Variants in SPACA7 observed in about 807,000 individuals in gnomAD.
SPACA7 encodes sperm acrosome-associated protein 7.
In SPACA7, 19 loss-of-function variants were observed where a neutral mutation model predicts 26.3. That is an observed-to-expected ratio of 0.72 (90% CI 0.50 to 1.06). The LOEUF (loss-of-function observed/expected upper bound fraction) is 1.06. SPACA7 is among the 50% of genes least tolerant of loss of function. The pLI, the probability that SPACA7 is intolerant of heterozygous loss-of-function variation, is 0.00. For missense variants in SPACA7, 211 were observed against 229.9 expected, an observed-to-expected ratio of 0.92 and a Z score of 0.53; for synonymous variants, 84 against 84.5, an observed-to-expected ratio of 0.99 and a Z score of 0.04.
intron 1 of SPACA7, among the ~76,000 whole-genome samples, chr13:112,377,151 A>G (rs2138841352): frequency 6.6e-6 from 1 of 152,318 alleles, no homozygotes; most frequent in Non-Finnish European, 1.5e-5. Flanking sequence ...AAAAGGTAGG[A>G]GAATTCTTTG....
chr13:112,387,507 G>A (rs1447739450), intron 1 of SPACA7, among the ~76,000 whole-genome samples: 2 of 152,178 alleles, frequency 1.3e-5, no homozygotes, highest in Non-Finnish European at 2.9e-5. Context: ...CCTAAGACTA[G>A]TTTCACAAAT....
At chr13:112,430,757 A>G (rs1037932971) in intron 5 of SPACA7, among the ~76,000 whole-genome samples, 6 of 152,224 alleles carry the variant, frequency 3.9e-5, no homozygotes, top group Non-Finnish European at 8.8e-5. Flanking sequence ...GAAACCACAC[A>G]TACATAGGGA....
intron 5 of SPACA7, among the ~76,000 whole-genome samples, chr13:112,415,243 C>T: frequency 6.6e-6 from 1 of 152,148 alleles, no homozygotes; most frequent in Non-Finnish European, 1.5e-5. Context: ...TCATGGCCGC[C>T]ACAGCTGGCA....
At chr13:112,434,130 C>T (rs1877486623) in intron 6 of SPACA7, among the ~76,000 whole-genome samples, 1 of 152,114 alleles carries the variant, frequency 6.6e-6, no homozygotes, top group Non-Finnish European at 1.5e-5. Context: ...CAGGAGTCCC[C>T]AACCTCCTGG....
intron 5 of SPACA7, among the ~76,000 whole-genome samples, chr13:112,430,761 A>C (rs1382410168): frequency 6.6e-6 from 1 of 152,232 alleles, no homozygotes; most frequent in Non-Finnish European, 1.5e-5. Context: ...CCACACATAC[A>C]TAGGGAACGG....
chr13:112,410,144 C>T (rs541530063), intron 5 of SPACA7, among the ~76,000 whole-genome samples: 173 of 152,148 alleles, frequency 1.1e-3, no homozygotes, highest in Admixed American at 3.5e-3. Context: ...CATGTTCTCA[C>T]TCATAGGTGG....
intron 5 of SPACA7, among the ~76,000 whole-genome samples, chr13:112,430,737 A>G (rs1479350382): frequency 1.3e-5 from 2 of 152,224 alleles, no homozygotes; most frequent in Non-Finnish European, 2.9e-5. Context: ...CAGGTGCCCT[A>G]TAGTCGAATG....
At chr13:112,388,870 G>A (rs983634515) in intron 1 of SPACA7, among the ~76,000 whole-genome samples, 1 of 152,074 alleles carries the variant, frequency 6.6e-6, no homozygotes, top group Non-Finnish European at 1.5e-5. Context: ...CAAATCATAG[G>A]GAGTCAAAGC....
chr13:112,420,625 T>C (rs954164431), intron 5 of SPACA7, among the ~76,000 whole-genome samples: 3 of 151,880 alleles, frequency 2.0e-5, no homozygotes, highest in Non-Finnish European at 4.4e-5. Flanking sequence ...CACAGAAAGA[T>C]AAAGAGACGA....
At chr13:112,382,413 T>C (rs1884134420) in intron 1 of SPACA7, 39 of 1,547,310 alleles carry the variant, frequency 2.5e-5, no homozygotes, top group Non-Finnish European at 3.2e-5. Context: ...CACCTTAATC[T>C]TCAGGTGCAG....
At position 112,400,320 on chromosome 13, in the gene SPACA7, A is replaced by T. The variant is rs570071867; in HGVS notation, c.350-749A>T. ...TAAACAGGAATAAGATTTTATTTAA[A>T]ATTAATATGAATACCTCCAAATTTG... On this transcript the variant is annotated intron_variant, in intron 4 of 6. Coordinates refer to ENST00000283550, the MANE Select transcript of SPACA7 (RefSeq NM_145248.5). 2.6e-5 allele frequency among the ~76,000 whole-genome samples: 4 copies of T among 152,328 alleles called. No individual in the cohort carries two copies. The East Asian group carries it at 7.7e-4, about 29-fold the overall frequency.
At chr13:112,433,363 C>A (rs1246608310) in intron 6 of SPACA7, among the ~76,000 whole-genome samples, 3 of 149,152 alleles carry the variant, frequency 2.0e-5, no homozygotes, top group Non-Finnish European at 4.5e-5. Context: ...TCCACTGGTG[C>A]TTCCCAAGCA....
chr13:112,430,449 T>C (rs1019892795), intron 5 of SPACA7, among the ~76,000 whole-genome samples: 1 of 152,236 alleles, frequency 6.6e-6, no homozygotes, highest in Non-Finnish European at 1.5e-5. Context: ...TTCTTGTTTT[T>C]TAATTAAATT....
intron 2 of SPACA7, among the ~76,000 whole-genome samples, chr13:112,396,618 G>A (rs539274755): frequency 1.9e-3 from 284 of 152,290 alleles, no homozygotes; most frequent in Non-Finnish European, 3.3e-3. Context: ...TCTTCTCCAA[G>A]ACCCCTATCT....
chr13:112,428,454 C>G (rs911426991), intron 5 of SPACA7, among the ~76,000 whole-genome samples: 5 of 152,118 alleles, frequency 3.3e-5, no homozygotes, highest in African/African-American at 1.2e-4. Flanking sequence ...GTGGTGGGCA[C>G]CAGTAATCCC....
intron 5 of SPACA7, among the ~76,000 whole-genome samples, chr13:112,414,156 A>G (rs1157112116): frequency 3.3e-5 from 5 of 152,048 alleles, no homozygotes; most frequent in African/African-American, 4.8e-5. Flanking sequence ...CACGTCCAAC[A>G]CTGGGGATCA....
intron 5 of SPACA7, among the ~76,000 whole-genome samples, chr13:112,413,097 T>G (rs1886453682): frequency 6.6e-6 from 1 of 152,214 alleles, no homozygotes; most frequent in African/African-American, 2.4e-5. Flanking sequence ...ATACTAAAGA[T>G]ATGAGTGGTT....
chr13:112,392,317 C>T (rs1594258811), intron 1 of SPACA7, among the ~76,000 whole-genome samples: 2 of 152,304 alleles, frequency 1.3e-5, no homozygotes, highest in Middle Eastern at 6.8e-3. Flanking sequence ...GTCAGGCAGC[C>T]GAGGCCACAG....
intron 1 of SPACA7, among the ~76,000 whole-genome samples, chr13:112,379,765 C>T (rs1388992317): frequency 6.6e-6 from 1 of 152,136 alleles, no homozygotes; most frequent in South Asian, 2.1e-4. Flanking sequence ...TCTGGGAAAT[C>T]TCAAAATTAG....
Sources: gnomAD v4.1 joint callset for allele counts (sites outside exome capture counted in the v4.1 genomes callset) on GRCh38, gnomAD v4.1.1 for gene constraint, MANE v1.5 for transcripts, NCBI Gene and HGNC (gene_info 2026-07-23, HGNC 2026-07-21) for gene names.